SHLD2: variants seen among roughly 807,000 people sequenced by gnomAD.
The protein encoded by SHLD2 is shieldin complex subunit 2.
A neutral mutation model predicts 73.2 loss-of-function variants in SHLD2; 30 were observed. That is an observed-to-expected ratio of 0.41 (90% CI 0.31 to 0.56). The LOEUF (loss-of-function observed/expected upper bound fraction) is 0.56, where lower values mean the gene tolerates loss of function less well. Ranked by LOEUF, SHLD2 falls within the 20% of genes least tolerant of loss-of-function variation. The pLI is 0.28. For missense variants in SHLD2, 745 were observed against 1,055.9 expected, an observed-to-expected ratio of 0.71 and a Z score of 4.08; for synonymous variants, 285 against 370.1, an observed-to-expected ratio of 0.77 and a Z score of 2.64.
At chr10:87,146,627 C>T (rs2134275902) in intron 2 of SHLD2, among the ~76,000 whole-genome samples, 1 of 151,624 alleles carries the variant, frequency 6.6e-6, no homozygotes, top group Non-Finnish European at 1.5e-5. Flanking sequence ...CATTAGCTAT[C>T]ATTAGTGTTA....
chr10:87,191,414 G>A lies in SHLD2; in HGVS notation c.*731G>A, dbSNP rs1329024835. The A allele has an allele frequency of 6.5e-6, 1 of 153,140 alleles. No individual in the cohort carries two copies. The highest frequency in any genetic ancestry group is 6.5e-5 in the Admixed American group (1 of 15,456). 9.5% of individuals were successfully genotyped at this position (153,140 alleles called of 1,614,324 possible). On this transcript the variant is annotated 3_prime_UTR_variant, in exon 10 of 10. Transcript: ENST00000298786. ...TTATTCTGTAAGTTCAGAGTATGCT[G>A]AGTGTTAATAGATTATCATATTGCC...
At chr10:87,189,716 C>CA (rs1309384924) in intron 9 of SHLD2, among the ~76,000 whole-genome samples, 3 of 152,172 alleles carry the variant, frequency 2.0e-5, no homozygotes, top group Non-Finnish European at 4.4e-5. Context: ...GTCTTGATTA[C>CA]ATGTCCTAAA....
intron 2 of SHLD2, among the ~76,000 whole-genome samples, chr10:87,126,075 G>T (rs867710889): frequency 1.3e-5 from 2 of 152,196 alleles, no homozygotes; most frequent in Middle Eastern, 3.4e-3. Context: ...GGAATATTGG[G>T]TTTTTTTGTT....
chr10:87,160,517 C>CATTATAATTATA (rs1391982132), intron 4 of SHLD2, among the ~76,000 whole-genome samples: 1 of 151,984 alleles, frequency 6.6e-6, no homozygotes, highest in Non-Finnish European at 1.5e-5. Flanking sequence ...ATCAATACAG[C>CATTATAATTATA]ATTATAATAT....
chr10:87,119,122 A>C (rs993419281), intron 2 of SHLD2, among the ~76,000 whole-genome samples: 1 of 149,964 alleles, frequency 6.7e-6, no homozygotes, highest in Non-Finnish European at 1.5e-5. Context: ...TTTAAATGTA[A>C]ACTGTCTCAG....
At chr10:87,156,017 C>T (rs11202352) in intron 3 of SHLD2, among the ~76,000 whole-genome samples, 102,936 of 150,978 alleles carry the variant, frequency 0.68, 35,830 homozygotes, top group Middle Eastern at 0.89. Context: ...GTTGGATAGC[C>T]TGGGTAGTTC....
At chr10:87,139,364 A>T (rs1845021639) in intron 2 of SHLD2, among the ~76,000 whole-genome samples, 1 of 152,230 alleles carries the variant, frequency 6.6e-6, no homozygotes, top group African/African-American at 2.4e-5. Context: ...AGCACCTAAC[A>T]ATTAAAATGT....
At chr10:87,095,423 C>T (rs1454926361) in intron 1 of SHLD2, among the ~76,000 whole-genome samples, 175 bp downstream of exon 1, 2 of 152,032 alleles carry the variant, frequency 1.3e-5, no homozygotes, top group Non-Finnish European at 2.9e-5. Flanking sequence ...CCCTCCTTTC[C>T]GCCCGCGCGC....
chr10:87,156,790 G>T (rs1409004988), intron 3 of SHLD2, among the ~76,000 whole-genome samples: 1 of 152,168 alleles, frequency 6.6e-6, no homozygotes, highest in Non-Finnish European at 1.5e-5. Context: ...AGTCTTGAAT[G>T]CTGTACTAGC....
chr10:87,168,228 A>C (rs560979064), intron 4 of SHLD2, among the ~76,000 whole-genome samples: 11 of 152,198 alleles, frequency 7.2e-5, no homozygotes, highest in Non-Finnish European at 1.6e-4. Context: ...CAATCAACCT[A>C]GGTGGCCATC....
chr10:87,117,040 T>G (rs1384667814), intron 2 of SHLD2, among the ~76,000 whole-genome samples: 17 of 152,092 alleles, frequency 1.1e-4, no homozygotes, highest in Admixed American at 1.0e-3. Context: ...TATGACAGAG[T>G]ACAGGATCCA....
chr10:87,168,625 A>T (rs1162540466), intron 4 of SHLD2, among the ~76,000 whole-genome samples: 1 of 151,302 alleles, frequency 6.6e-6, no homozygotes, highest in Admixed American at 6.6e-5. Flanking sequence ...TAAATAAATA[A>T]ATTGCAGCAA....
At chr10:87,174,085 T>C (rs1299879899) in intron 6 of SHLD2, among the ~76,000 whole-genome samples, 1 of 152,160 alleles carries the variant, frequency 6.6e-6, no homozygotes, top group Non-Finnish European at 1.5e-5. Flanking sequence ...ATTTTAGCTA[T>C]AGGAACTTAT....
At chr10:87,112,866 A>G (rs1459037633) in intron 2 of SHLD2, among the ~76,000 whole-genome samples, 1 of 152,174 alleles carries the variant, frequency 6.6e-6, no homozygotes, top group South Asian at 2.1e-4. Flanking sequence ...AAAGTTAAAC[A>G]TACAGTTGCC....
At chr10:87,148,923 T>TC (rs1195838649) in intron 2 of SHLD2, among the ~76,000 whole-genome samples, 17 of 149,768 alleles carry the variant, frequency 1.1e-4, no homozygotes, top group Admixed American at 6.0e-4. Flanking sequence ...TCTCACTCTG[T>TC]CACCCAGGCT....
At chr10:87,188,138 C>T (rs927043834) in intron 9 of SHLD2, among the ~76,000 whole-genome samples, 2 of 152,126 alleles carry the variant, frequency 1.3e-5, no homozygotes, top group African/African-American at 4.8e-5. Context: ...CAGGGTTGTT[C>T]CTCTTTGATT....
chr10:87,116,947 A>G (rs1843293488), intron 2 of SHLD2, among the ~76,000 whole-genome samples: 1 of 152,204 alleles, frequency 6.6e-6, no homozygotes, highest in Non-Finnish European at 1.5e-5. Context: ...TGAAACCAGA[A>G]GGTGGCTGCT....
chr10:87,163,961 C>CTTTTTTTTTTT (rs201405790), intron 4 of SHLD2, among the ~76,000 whole-genome samples: 1 of 117,906 alleles, frequency 8.5e-6, no homozygotes, highest in Non-Finnish European at 1.8e-5. Flanking sequence ...CTTTTCTTTT[C>CTTTTTTTTTTT]TTTTTTTTTT....
intron 4 of SHLD2, among the ~76,000 whole-genome samples, chr10:87,165,772 T>A (rs4933432): frequency 0.87 from 131,847 of 152,226 alleles, 57,968 homozygotes; most frequent in African/African-American, 0.96. Flanking sequence ...CTACATTTTA[T>A]TTAACAATAT....
Sources: gnomAD v4.1 joint callset for allele counts (sites outside exome capture counted in the v4.1 genomes callset) on GRCh38, gnomAD v4.1.1 for gene constraint, MANE v1.5 for transcripts, NCBI Gene and HGNC (gene_info 2026-07-23, HGNC 2026-07-21) for gene names.